The following PAX2 variants were observed in gnomAD, a reference collection of about 807,000 sequenced individuals.
The protein encoded by PAX2 is paired box 2, also known as paired box protein Pax-2.
In PAX2, 9 loss-of-function variants were observed where a neutral mutation model predicts 41.7. The observed-to-expected ratio is 0.22, with a 90% CI of 0.13 to 0.38. PAX2 has a LOEUF of 0.38. Ranked by LOEUF, PAX2 falls within the 10% of genes least tolerant of loss-of-function variation. The probability of loss-of-function intolerance (pLI) is 1.00; values close to 1 mark genes in which losing one functional copy is unlikely to be tolerated. For synonymous variants in PAX2, 221 were observed against 212.7 expected, an observed-to-expected ratio of 1.04 and a Z score of -0.34; for missense variants, 418 against 531.6, an observed-to-expected ratio of 0.79 and a Z score of 2.10.
At position 100,780,305 on chromosome 10, in the gene PAX2, C is replaced by T. The variant is rs560965265; in HGVS notation, c.496+722C>T. On this transcript the variant is annotated intron_variant, in intron 4 of 9. Transcript: ENST00000355243. ...ACACCTGCTAACACTCCTCCTCTGT[C>T]CCCAACGCACACAGACTAGCTTCCC... 2.0e-5 allele frequency among the ~76,000 whole-genome samples: 3 copies of T among 152,292 alleles called. No homozygotes were observed. The South Asian group carries it at 6.2e-4, about 32-fold the overall frequency.
chr10:100,801,637 A>C (rs763312569), intron 5 of PAX2, among the ~76,000 whole-genome samples: 3 of 152,194 alleles, frequency 2.0e-5, no homozygotes, highest in Non-Finnish European at 4.4e-5. Flanking sequence ...GACATCCTCT[A>C]ATCATCTGGG....
At chr10:100,752,209 T>C (rs764260192) in intron 3 of PAX2, among the ~76,000 whole-genome samples, 1 of 152,170 alleles carries the variant, frequency 6.6e-6, no homozygotes, top group Non-Finnish European at 1.5e-5. Context: ...TATTCAGTTA[T>C]GAACAGGGTA....
At chr10:100,818,242 G>T (rs939781309) in intron 7 of PAX2, among the ~76,000 whole-genome samples, 1 of 152,184 alleles carries the variant, frequency 6.6e-6, no homozygotes, top group African/African-American at 2.4e-5. Context: ...CTCCTCGATA[G>T]AACTTTTGCT....
In PAX2 at chr10:100,745,915, C is replaced by T; in HGVS notation, c.-346C>T. On this transcript the variant is annotated 5_prime_UTR_variant, in exon 1 of 10. Coordinates refer to ENST00000355243, the MANE Select transcript of PAX2 (RefSeq NM_000278.5). ...GTTCCAGGGGAGCTGAGCGAGTCGC[C>T]TCCCCCGCCCAGCTTCAGCCCTGGC... 8 of 1,211,462 alleles carry T rather than the reference C, an allele frequency of 6.6e-6. 1 individual carries two copies. Among genetic ancestry groups the T allele is most frequent in the South Asian group, 5.0e-5 (2 of 39,830 alleles). 75.0% of individuals were successfully genotyped at this position (1,211,462 alleles called of 1,614,324 possible). A position where few individuals can be genotyped will look rare whatever the true frequency, so the allele number is the denominator to read the frequency against.
rs369615430 is a variant in PAX2, at chr10:100,750,686, C to T, written c.213-8C>T. 1.9e-4 allele frequency: 308 copies of T among 1,613,638 alleles called. 1 individual carries two copies. In the African/African-American group the frequency reaches 3.1e-3, roughly 16 times the overall value. On this transcript the variant is annotated splice_region_variant and splice_polypyrimidine_tract_variant and intron_variant, in intron 2 of 9. Coordinates refer to ENST00000355243, the MANE Select transcript of PAX2 (RefSeq NM_000278.5). This position sits in a 1 kb window ranked among gnomAD's most constrained non-coding sequence, Gnocchi z 4.1. ...TTCTGGCTGACCCCGCCGGCTTTCCCGGCGCAGGTACTACGAGACCGGCAG... is the reference window on the plus strand; with the variant it reads ...TTCTGGCTGACCCCGCCGGCTTTCCTGGCGCAGGTACTACGAGACCGGCAG...
intron 5 of PAX2, among the ~76,000 whole-genome samples, chr10:100,782,387 G>A (rs1053622443): frequency 6.6e-6 from 1 of 152,266 alleles, no homozygotes; most frequent in Admixed American, 6.5e-5. Context: ...TCTCAAAAAT[G>A]TCGTGTTTGG....
chr10:100,762,766 G>T (rs1845883787), intron 3 of PAX2, among the ~76,000 whole-genome samples: 1 of 152,192 alleles, frequency 6.6e-6, no homozygotes, highest in Admixed American at 6.5e-5. Context: ...TCACAAACCG[G>T]CTTTATGCCA....
Position 100,829,575 on chromosome 10 carries a change from T to C in PAX2, c.*1956T>C. The C allele has an allele frequency of 4.8e-6, 1 of 208,222 alleles. No homozygotes were observed. 12.9% of individuals were successfully genotyped at this position (208,222 alleles called of 1,614,324 possible). On this transcript the variant is annotated 3_prime_UTR_variant, in exon 10 of 10. Transcript: ENST00000355243. Reference sequence around the variant, plus strand: ...TCAATAAAGTGAAAATAAATAAAAATCCTTGAACAAATCCGAAAAGGCTTG... The same window carrying C: ...TCAATAAAGTGAAAATAAATAAAAACCCTTGAACAAATCCGAAAAGGCTTG...
chr10:100,768,701 C>G (rs1439363319), intron 3 of PAX2, among the ~76,000 whole-genome samples: 1 of 152,138 alleles, frequency 6.6e-6, no homozygotes, highest in Admixed American at 6.5e-5. Context: ...TCAACTGATT[C>G]AGCCTACAGA....
Position 100,804,271 on chromosome 10 carries a change from T to TAC in PAX2, c.617-2135_617-2134dup, listed in dbSNP as rs10639967. On this transcript the variant is annotated intron_variant, in intron 5 of 9. Coordinates refer to ENST00000355243, the MANE Select transcript of PAX2 (RefSeq NM_000278.5). ...GAGGACAAAGCTTCAGTTCAGCCCC[T>TAC]ACACACACACACACACACACACACA... 2.1e-3 allele frequency among the ~76,000 whole-genome samples: 301 copies of TAC among 146,396 alleles called. 1 individual carries two copies. Among genetic ancestry groups the TAC allele is most frequent in the Middle Eastern group, 7.1e-3 (2 of 282 alleles).
chr10:100,809,299 A>G, intron 7 of PAX2, 63 bp downstream of exon 7: 2 of 1,502,734 alleles, frequency 1.3e-6, no homozygotes, highest in African/African-American at 1.4e-5. Flanking sequence ...AGCCCATGCC[A>G]TCTGAGGCCC....
At chr10:100,785,481 GT>G (rs1006514265) in intron 5 of PAX2, among the ~76,000 whole-genome samples, 28 of 152,314 alleles carry the variant, frequency 1.8e-4, no homozygotes, top group African/African-American at 6.0e-4. Flanking sequence ...TGCCAAGCTG[GT>G]GCAGTTGTGC....
chr10:100,776,113 C>G (rs1257656288), intron 3 of PAX2, among the ~76,000 whole-genome samples: 1 of 152,208 alleles, frequency 6.6e-6, no homozygotes, highest in East Asian at 1.9e-4. Flanking sequence ...ACAAGCTTAT[C>G]CAGGTCTTTC....
At chr10:100,737,750 C>A (rs1844825865) in intron 1 of PAX2, among the ~76,000 whole-genome samples, 1 of 152,248 alleles carries the variant, frequency 6.6e-6, no homozygotes, top group African/African-American at 2.4e-5. Context: ...GGCCCTGCCC[C>A]CCTAGACGGC....
chr10:100,816,272 G>A (rs1019398540), intron 7 of PAX2, among the ~76,000 whole-genome samples: 10 of 152,202 alleles, frequency 6.6e-5, no homozygotes, highest in Admixed American at 4.6e-4. Flanking sequence ...TGAGAATACT[G>A]GCCACTGCTT....
chr10:100,748,707 C>A lies in PAX2; in HGVS notation c.44-1039C>A, dbSNP rs1004298893. 2 of 985,402 alleles carry A rather than the reference C, an allele frequency of 2.0e-6. No individual in the cohort carries two copies. The highest frequency in any genetic ancestry group is 1.7e-5 in the African/African-American group (1 of 57,240). The allele number at this position is 985,402 out of a possible 1,614,324, so 61.0% of individuals were successfully genotyped here. The stretch of plus-strand genomic sequence containing the variant: ...GCCGCCTCGGTTCCGAGATCGGGAG[C>A]CCGCGCTGGAGCCGGGTTGGAAACC... On this transcript the variant is annotated intron_variant, in intron 1 of 9. Coordinates refer to ENST00000355243, the MANE Select transcript of PAX2 (RefSeq NM_000278.5). The surrounding 1 kb of genome is among the most constrained non-coding windows in gnomAD (Gnocchi z 5.0).
intron 5 of PAX2, among the ~76,000 whole-genome samples, chr10:100,798,820 C>T (rs1256776783): frequency 1.3e-5 from 2 of 152,232 alleles, no homozygotes; most frequent in Non-Finnish European, 2.9e-5. Flanking sequence ...TTCCTCAGCT[C>T]CCAAACCTCA....
Position 100,827,472 on chromosome 10 carries a change from C to A in PAX2, c.1109-71C>A. 1.3e-6 allele frequency: 2 copies of A among 1,501,358 alleles called. No individual in the cohort carries two copies. Among genetic ancestry groups the A allele is most frequent in the Non-Finnish European group, 1.9e-6 (2 of 1,077,808 alleles). 93.0% of individuals were successfully genotyped at this position (1,501,358 alleles called of 1,614,324 possible). A position where few individuals can be genotyped will look rare whatever the true frequency, so the allele number is the denominator to read the frequency against. ...CCAGCCAGGGGAGGTCTTTTCTGTG[C>A]TTTTCTTTCCTTTTTTGTTCTCCTG... On this transcript the variant is annotated intron_variant, in intron 9 of 9. Transcript: ENST00000355243. This position sits in a 1 kb window ranked among gnomAD's most constrained non-coding sequence, Gnocchi z 8.5.
chr10:100,808,354 G>A (rs983774163), intron 6 of PAX2, among the ~76,000 whole-genome samples: 3 of 152,142 alleles, frequency 2.0e-5, no homozygotes, highest in Non-Finnish European at 2.9e-5. Flanking sequence ...GCCAGGAAGC[G>A]GAAGGGAAAA....
Sources: gnomAD v4.1 joint callset for allele counts (sites outside exome capture counted in the v4.1 genomes callset) on GRCh38, gnomAD v4.1.1 for gene constraint, Gnocchi (gnomAD v3.1) non-coding constraint, MANE v1.5 for transcripts, NCBI Gene and HGNC (gene_info 2026-07-23, HGNC 2026-07-21) for gene names.